Variants in CACNB4 observed in about 807,000 individuals in gnomAD.
CACNB4 encodes the protein voltage-dependent L-type calcium channel subunit beta-4.
CACNB4 carries 32 observed loss-of-function variants against 71.2 expected under a neutral mutation model. That is an observed-to-expected ratio of 0.45 (90% confidence interval 0.34 to 0.60). The LOEUF is 0.60. Among genes scored for constraint, CACNB4 ranks in the 20% least tolerant of loss-of-function variants. The pLI is 0.01. For missense variants in CACNB4, 464 were observed against 647.9 expected, an observed-to-expected ratio of 0.72 and a Z score of 3.08; for synonymous variants, 231 against 236.9, an observed-to-expected ratio of 0.97 and a Z score of 0.23.
At chr2:151,873,232 A>G (rs1249387866) in intron 5 of CACNB4, 1 of 152,244 alleles carries the variant, frequency 6.6e-6, no homozygotes, top group African/African-American at 2.4e-5. Context: ...TGAGTCATAT[A>G]CTAGTAGGAC....
intron 2 of CACNB4, among the ~76,000 whole-genome samples, chr2:151,913,831 T>C (rs2099856837): frequency 6.6e-6 from 1 of 152,102 alleles, no homozygotes; most frequent in African/African-American, 2.4e-5. Context: ...GTAGAGTTTC[T>C]GCTGAGAGAT....
chr2:152,059,427 G>A (rs1348374007), intron 2 of CACNB4, among the ~76,000 whole-genome samples: 3 of 152,214 alleles, frequency 2.0e-5, no homozygotes, highest in African/African-American at 7.2e-5. Context: ...AATATCACCT[G>A]GATGTGAAAC....
intron 2 of CACNB4, among the ~76,000 whole-genome samples, chr2:152,082,821 C>T (rs1687435847): frequency 6.6e-6 from 1 of 152,136 alleles, no homozygotes; most frequent in Non-Finnish European, 1.5e-5. Flanking sequence ...CAGATTAGTC[C>T]ACAAAATCCT....
intron 6 of CACNB4, chr2:151,871,125 G>A: frequency 4.0e-6 from 2 of 498,680 alleles, no homozygotes; most frequent in South Asian, 5.7e-5. Flanking sequence ...TACAGGAGTT[G>A]AGAGCAACAC....
At chr2:151,903,191 T>C (rs1001385733) in intron 2 of CACNB4, among the ~76,000 whole-genome samples, 1 of 152,170 alleles carries the variant, frequency 6.6e-6, no homozygotes, top group Admixed American at 6.6e-5. Context: ...TTCATCAACA[T>C]TAAGCTAGAA....
chr2:151,883,355 A>G lies in CACNB4; in HGVS notation c.163T>C (p.Tyr55His). ...TCGGAGTCAGACGGCCTGCTTGTGT[A>G]GGAATCCGCTGAACCCTGGCAAAGA... Reference protein sequence around the residue: ...FILRQGSADSYTSRPSDSDVS... With the variant: ...FILRQGSADSHTSRPSDSDVS... The change falls in exon 3 of 14, where the codon TAC becomes CAC. Residue 55 changes from tyrosine to histidine, a missense_variant. Around this residue, in one of 3 missense-constraint regions of CACNB4, gnomAD observed 299 missense variants for 471.7 expected, o/e 0.63. Coordinates refer to ENST00000539935, the MANE Select transcript of CACNB4 (RefSeq NM_000726.5). 5 of 1,613,942 alleles carry G rather than the reference A, an allele frequency of 3.1e-6. No homozygotes were observed. Among genetic ancestry groups the G allele is most frequent in the Non-Finnish European group, 4.2e-6 (5 of 1,179,818 alleles).
chr2:152,046,211 G>A (rs1393146541), intron 2 of CACNB4, among the ~76,000 whole-genome samples: 1 of 152,148 alleles, frequency 6.6e-6, no homozygotes, highest in Non-Finnish European at 1.5e-5. Flanking sequence ...TGTCCATTCA[G>A]GGGAGGCTAG....
At chr2:151,974,631 C>A (rs1019695430) in intron 2 of CACNB4, among the ~76,000 whole-genome samples, 2 of 152,122 alleles carry the variant, frequency 1.3e-5, no homozygotes, top group Non-Finnish European at 2.9e-5. Flanking sequence ...TTCTTCATCC[C>A]CTTCCCATGC....
chr2:152,031,056 C>T (rs779279163), intron 2 of CACNB4, among the ~76,000 whole-genome samples: 6 of 152,064 alleles, frequency 3.9e-5, no homozygotes, highest in Admixed American at 3.9e-4. Context: ...GGTATTGCCA[C>T]GGGACTAGCA....
intron 13 of CACNB4, among the ~76,000 whole-genome samples, chr2:151,840,333 C>T (rs2099835858): frequency 6.6e-6 from 1 of 152,148 alleles, no homozygotes; most frequent in Non-Finnish European, 1.5e-5. Context: ...AAATAGGCCA[C>T]AGAATAAAGG....
At chr2:151,878,936 G>A (rs962941274) in intron 4 of CACNB4, among the ~76,000 whole-genome samples, 30 of 151,994 alleles carry the variant, frequency 2.0e-4, no homozygotes, top group African/African-American at 7.0e-4. Flanking sequence ...GAAAAGAAAA[G>A]AAAAAAATGT....
In CACNB4 at chr2:151,838,150, G is replaced by T. The variant is rs762707812; in HGVS notation, c.*969C>A. ...AATAGATGAATTCCCACCTGGAAGT[G>T]TTTAGCATTGCACTCGGGAGGATTG... On this transcript the variant is annotated 3_prime_UTR_variant, in exon 14 of 14. Transcript: ENST00000539935. 1 of 152,544 alleles carries T rather than the reference G, an allele frequency of 6.6e-6. No individual in the cohort carries two copies. The highest frequency in any genetic ancestry group is 1.5e-5 in the Non-Finnish European group (1 of 68,024). 9.4% of individuals were successfully genotyped at this position (152,544 alleles called of 1,614,324 possible).
intron 2 of CACNB4, among the ~76,000 whole-genome samples, chr2:152,082,062 T>C (rs535681012): frequency 1.3e-5 from 2 of 152,358 alleles, no homozygotes; most frequent in East Asian, 3.9e-4. Flanking sequence ...ATAATTATAA[T>C]AGCAGGAGCT....
At chr2:152,030,475 T>C (rs1684225718) in intron 2 of CACNB4, among the ~76,000 whole-genome samples, 1 of 152,280 alleles carries the variant, frequency 6.6e-6, no homozygotes, top group Non-Finnish European at 1.5e-5. Flanking sequence ...TTATTTTTCT[T>C]ATACTTTAAG....
intron 2 of CACNB4, among the ~76,000 whole-genome samples, chr2:151,943,599 G>A (rs574047707): frequency 4.6e-5 from 7 of 152,194 alleles, no homozygotes; most frequent in Non-Finnish European, 1.0e-4. Context: ...AGGGAATGTG[G>A]TTTTAACTGA....
chr2:151,993,563 CTT>C (rs70974814), intron 2 of CACNB4, among the ~76,000 whole-genome samples: 348 of 116,652 alleles, frequency 3.0e-3, no homozygotes, highest in African/African-American at 4.6e-3. Flanking sequence ...TTGGGGAGCA[CTT>C]TTTTTTTTTT....
chr2:152,010,777 G>C (rs1005088951), intron 2 of CACNB4, among the ~76,000 whole-genome samples: 1 of 152,168 alleles, frequency 6.6e-6, no homozygotes, highest in East Asian at 1.9e-4. Context: ...ATGATGGCCC[G>C]GCGGCGTTTG....
chr2:152,054,853 T>C (rs1685643679), intron 2 of CACNB4, among the ~76,000 whole-genome samples: 2 of 152,228 alleles, frequency 1.3e-5, no homozygotes, highest in Non-Finnish European at 2.9e-5. Context: ...TATGTGATTA[T>C]TGGCCACTGG....
intron 2 of CACNB4, among the ~76,000 whole-genome samples, chr2:151,946,271 G>A (rs2099865578): frequency 6.6e-6 from 1 of 151,770 alleles, no homozygotes; most frequent in South Asian, 2.1e-4. Context: ...GGAGGTTGCA[G>A]TGAGCCAAGA....
Sources: gnomAD v4.1 joint callset for allele counts (sites outside exome capture counted in the v4.1 genomes callset) on GRCh38, gnomAD v4.1.1 for gene constraint, gnomAD v4.1.1 regional missense constraint, MANE v1.5 for transcripts, NCBI Gene and HGNC (gene_info 2026-07-23, HGNC 2026-07-21) for gene names.